The following VSIG1 variants were observed in gnomAD, a reference collection of about 807,000 sequenced individuals.
VSIG1 encodes the protein V-set and immunoglobulin domain containing 1.
A neutral mutation model predicts 20.1 loss-of-function variants in VSIG1; 11 were observed. The observed-to-expected ratio is 0.55, with a 90% CI of 0.34 to 0.91. VSIG1 has a LOEUF of 0.91. VSIG1 is among the 40% of genes least tolerant of loss of function. The pLI is 0.02. For synonymous variants in VSIG1, 126 were observed against 116.7 expected (o/e 1.08, Z -0.52); for missense variants, 283 against 298.8 (o/e 0.95, Z 0.39).
chrX:108,029,145 A>G, the VSIG1 span, among the ~76,000 whole-genome samples: 1 of 112,372 alleles, frequency 8.9e-6, no homozygotes, highest in African/African-American at 3.2e-5. Flanking sequence ...TGTGTACCCA[A>G]CATTTCATGG....
At chrX:108,029,865 G>T in the VSIG1 span, among the ~76,000 whole-genome samples, 1 of 111,490 alleles carries the variant, frequency 9.0e-6, no homozygotes, top group Non-Finnish European at 1.9e-5. Context: ...GAGTAGGGAG[G>T]CCAGGATAAA....
chrX:108,046,920 A>G (rs926080762), intron 1 of VSIG1, among the ~76,000 whole-genome samples: 2 of 110,217 alleles, frequency 1.8e-5, no homozygotes, highest in African/African-American at 6.6e-5. Context: ...ATATCTACAC[A>G]CATATTATCT....
At chrX:108,037,880 A>G in the VSIG1 span, among the ~76,000 whole-genome samples, 2 of 111,625 alleles carry the variant, frequency 1.8e-5, no homozygotes, top group African/African-American at 6.5e-5. Flanking sequence ...GTGAAAAAGT[A>G]ATGAGTGCTA....
At chrX:108,036,014 TG>T in the VSIG1 span, among the ~76,000 whole-genome samples, 1 of 101,622 alleles carries the variant, frequency 9.8e-6, no homozygotes, top group African/African-American at 3.6e-5. Flanking sequence ...ATATGATTAT[TG>T]TGAAACACAA....
At chrX:108,047,789 T>TATATATATGTATATATATA (rs2030617680) in intron 1 of VSIG1, among the ~76,000 whole-genome samples, 2 of 72,674 alleles carry the variant, frequency 2.8e-5, no homozygotes, top group African/African-American at 1.2e-4. Context: ...TCTCTCTCTC[T>TATATATATGTATATATATA]CTATATATAT....
At position 108,058,020 on chromosome X, in the gene VSIG1, T is replaced by G; in HGVS notation, c.50-18T>G. On this transcript the variant is annotated intron_variant, in intron 1 of 6. Coordinates refer to ENST00000217957, the MANE Select transcript of VSIG1 (RefSeq NM_182607.5). ...ATTTGAGTATGTACTATTGATTTTT[T>G]TATGATTATCTTTTCAGGTCAGGTT... 8.4e-7 allele frequency: 1 copy of G among 1,195,214 alleles called. No homozygotes were observed. Among genetic ancestry groups the G allele is most frequent in the Non-Finnish European group, 1.1e-6 (1 of 886,868 alleles).
the VSIG1 span, among the ~76,000 whole-genome samples, chrX:108,039,287 A>T: frequency 4.5e-5 from 5 of 111,857 alleles, no homozygotes; most frequent in Non-Finnish European, 9.4e-5. Context: ...GATTCAAGCG[A>T]TTCTCCTGTC....
rs1262752721 is a variant in VSIG1, at chrX:108,077,150, C to A, written c.933C>A (p.Gly311=). ...TACCATCTTCCATTCATGAGACTGG[C>A]CCTGATACCATCCAAGAACCAGACT... ...VTLPSSIHET[G]PDTIQEPDYE... The change falls in exon 7 of 7, where the codon GGC becomes GGA. Residue 311 remains glycine, a synonymous_variant. Transcript: ENST00000217957. 8.3e-7 allele frequency: 1 copy of A among 1,212,025 alleles called. No homozygotes were observed. Among genetic ancestry groups the A allele is most frequent in the Admixed American group, 2.2e-5 (1 of 46,088 alleles).
In VSIG1 at chrX:108,060,147, T is replaced by TA. The variant is rs201681208; in HGVS notation, c.213+1955dup. Among the ~76,000 whole-genome samples the TA allele has an allele frequency of 5.8e-3, 646 of 111,073 alleles. 8 individuals are homozygous for TA. Among genetic ancestry groups the TA allele is most frequent in the East Asian group, 0.022 (79 of 3,531 alleles). On this transcript the variant is annotated intron_variant, in intron 2 of 6. Transcript: ENST00000217957. Reference sequence around the variant, plus strand: ...CCAGAACATCTCTTAGAAGCACTTTTAAAAAAAAATCTGTTAACAAATAAA... The same window carrying TA: ...CCAGAACATCTCTTAGAAGCACTTTTAAAAAAAAAATCTGTTAACAAATAAA...
At chrX:108,051,112 C>A in intron 1 of VSIG1, among the ~76,000 whole-genome samples, 1 of 111,048 alleles carries the variant, frequency 9.0e-6, no homozygotes, top group Non-Finnish European at 1.9e-5. Context: ...CAACAGTGGA[C>A]AAAAGAAGCA....
intron 2 of VSIG1, among the ~76,000 whole-genome samples, chrX:108,065,115 G>A (rs1490461181): frequency 8.9e-6 from 1 of 112,043 alleles, no homozygotes; most frequent in Non-Finnish European, 1.9e-5. Flanking sequence ...CTCTGTAAAT[G>A]TACTCTTTTC....
At position 108,058,150 on chromosome X, in the gene VSIG1, G is replaced by C; in HGVS notation, c.162G>C (p.Gln54His). 8.3e-7 allele frequency: 1 copy of C among 1,210,794 alleles called. No homozygotes were observed. The highest frequency in any genetic ancestry group is 1.8e-5 in the South Asian group (1 of 56,769). Reference sequence around the variant, plus strand: ...CCACCACTGTGGCCTCCCGAGAACAGCTTTCCATCCAGTGGTCTTTCTTCC... The same window carrying C: ...CCACCACTGTGGCCTCCCGAGAACACCTTTCCATCCAGTGGTCTTTCTTCC... Reference protein sequence around the residue: ...IYTTTVASREQLSIQWSFFHK... With the variant: ...IYTTTVASREHLSIQWSFFHK... The change falls in exon 2 of 7, where the codon CAG (glutamine) becomes CAC (histidine). Residue 54 changes from glutamine to histidine, a missense_variant. Transcript: ENST00000217957.
chrX:108,058,464 A>G (rs892966924), intron 2 of VSIG1, among the ~76,000 whole-genome samples: 1 of 111,942 alleles, frequency 8.9e-6, no homozygotes, highest in South Asian at 3.7e-4. Flanking sequence ...TTTAGAGAAG[A>G]CAGAAATGGT....
rs1338940951 is a variant in VSIG1, at chrX:108,073,255, A to G, written c.574A>G (p.Thr192Ala). 2.5e-6 allele frequency: 3 copies of G among 1,211,475 alleles called. No individual in the cohort carries two copies. The highest frequency in any genetic ancestry group is 1.7e-5 in the African/African-American group (1 of 57,859). The change falls in exon 5 of 7, where the codon ACC becomes GCC. Residue 192 changes from threonine to alanine, a missense_variant. Transcript: ENST00000217957. ...IVPVKENFNP[T>A]TGILVIGNLT... The stretch of plus-strand genomic sequence containing the variant: ...CTATTCCCTGGTTTCAACAGACCCA[A>G]CCACCGGGATTTTGGTCATTGGAAA...
intron 2 of VSIG1, among the ~76,000 whole-genome samples, chrX:108,060,435 T>A (rs2030997036): frequency 9.0e-6 from 1 of 110,714 alleles, no homozygotes; most frequent in African/African-American, 3.3e-5. Context: ...ATAACAACCA[T>A]CCCCCTAAAG....
At chrX:108,034,704 C>A in the VSIG1 span, among the ~76,000 whole-genome samples, 78 of 112,234 alleles carry the variant, frequency 6.9e-4, no homozygotes, top group African/African-American at 2.3e-3. Flanking sequence ...GTTTTTATAA[C>A]AATCTTATAT....
chrX:108,019,032 C>T, the VSIG1 span, among the ~76,000 whole-genome samples: 71 of 111,953 alleles, frequency 6.3e-4, no homozygotes, highest in Admixed American at 1.0e-3. Context: ...GAAGTGGCAG[C>T]AGTGGGCCAG....
intron 4 of VSIG1, among the ~76,000 whole-genome samples, 159 bp downstream of exon 4, chrX:108,072,991 G>A (rs908358640): frequency 9.0e-6 from 1 of 110,614 alleles, no homozygotes; most frequent in African/African-American, 3.3e-5. Flanking sequence ...AAGAATGCCT[G>A]TCTCCCAACA....
the VSIG1 span, among the ~76,000 whole-genome samples, chrX:108,029,975 T>G: frequency 2.7e-5 from 3 of 112,181 alleles, no homozygotes; most frequent in African/African-American, 9.7e-5. Flanking sequence ...CTCAACAGAT[T>G]GGAAACTTTC....
Sources: allele counts gnomAD v4.1 joint callset (sites outside exome capture counted in the v4.1 genomes callset), GRCh38; gene constraint gnomAD v4.1.1; transcripts MANE v1.5; gene names NCBI Gene and HGNC (gene_info 2026-07-23, HGNC 2026-07-21).